MIPOL1: variants seen among roughly 807,000 people sequenced by gnomAD.
MIPOL1 encodes mirror-image polydactyly 1.
In MIPOL1, 57 loss-of-function variants were observed where a neutral mutation model predicts 60.9. The observed-to-expected ratio is 0.94, with a 90% CI of 0.76 to 1.17. The LOEUF (loss-of-function observed/expected upper bound fraction) is 1.17, where lower values mean the gene tolerates loss of function less well. MIPOL1 is among the 50% of genes most tolerant of loss of function. The probability of loss-of-function intolerance (pLI) is 0.00; values close to 1 mark genes in which losing one functional copy is unlikely to be tolerated. For synonymous variants in MIPOL1, 179 were observed against 168.8 expected, an observed-to-expected ratio of 1.06 and a Z score of -0.47; for missense variants, 551 against 511.6, an observed-to-expected ratio of 1.08 and a Z score of -0.74.
chr14:37,509,624 A>G (rs1478901910), intron 12 of MIPOL1, among the ~76,000 whole-genome samples: 1 of 151,564 alleles, frequency 6.6e-6, no homozygotes, highest in Non-Finnish European at 1.5e-5. Flanking sequence ...CATACACATT[A>G]TAGTTTATAT....
At chr14:37,311,379 A>G (rs907884251) in intron 9 of MIPOL1, among the ~76,000 whole-genome samples, 3 of 152,190 alleles carry the variant, frequency 2.0e-5, no homozygotes, top group Non-Finnish European at 4.4e-5. Context: ...ACTGACTTTC[A>G]TGGTATAAAA....
intron 1 of MIPOL1, among the ~76,000 whole-genome samples, chr14:37,230,333 G>A (rs1261425944): frequency 6.6e-6 from 1 of 152,122 alleles, no homozygotes; most frequent in Non-Finnish European, 1.5e-5. Context: ...ATAGGAAAAG[G>A]TCAACAAAGT....
At chr14:37,545,491 G>A (rs2095543942) in intron 12 of MIPOL1, among the ~76,000 whole-genome samples, 1 of 152,168 alleles carries the variant, frequency 6.6e-6, no homozygotes, top group Non-Finnish European at 1.5e-5. Flanking sequence ...TGTACCACTA[G>A]ACTGTTTTAG....
intron 7 of MIPOL1, among the ~76,000 whole-genome samples, chr14:37,298,566 A>G (rs1271567380): frequency 3.9e-5 from 6 of 152,230 alleles, no homozygotes; most frequent in Admixed American, 3.9e-4. Flanking sequence ...ACAAAGGGCT[A>G]ATATCCAGAA....
At chr14:37,229,088 G>A (rs1970227165) in intron 1 of MIPOL1, among the ~76,000 whole-genome samples, 1 of 152,162 alleles carries the variant, frequency 6.6e-6, no homozygotes, top group Admixed American at 6.5e-5. Context: ...TCTAGGTATT[G>A]TGCAAAACAG....
chr14:37,361,911 TTTTATCAGA>T lies in MIPOL1; in HGVS notation c.829-7605_829-7597del, dbSNP rs1362899235. Reference sequence around the variant, plus strand: ...TTGACTTTTGTTGGTTTAAAGTCTGTTTTATCAGAGACTAGGATTGCAATGCCTGCTTTT... The same window carrying T: ...TTGACTTTTGTTGGTTTAAAGTCTGTGACTAGGATTGCAATGCCTGCTTTT... On this transcript the variant is annotated intron_variant, in intron 9 of 12. Transcript: ENST00000684589. Among the ~76,000 whole-genome samples the T allele has an allele frequency of 4.6e-5, 7 of 152,250 alleles. No homozygotes were observed. In the East Asian group the frequency reaches 1.2e-3, roughly 25 times the overall value.
chr14:37,237,394 A>G (rs1330941575), intron 1 of MIPOL1, among the ~76,000 whole-genome samples: 3 of 152,040 alleles, frequency 2.0e-5, no homozygotes, highest in Non-Finnish European at 4.4e-5. Flanking sequence ...AAGCCATATA[A>G]TACTGTGCTA....
chr14:37,367,167 C>T (rs1197563800), intron 9 of MIPOL1, among the ~76,000 whole-genome samples: 1 of 151,846 alleles, frequency 6.6e-6, no homozygotes, highest in Non-Finnish European at 1.5e-5. Context: ...GATGAATAAA[C>T]TGTTCAATCC....
chr14:37,262,147 G>A (rs1191636875), intron 3 of MIPOL1, among the ~76,000 whole-genome samples: 2 of 151,836 alleles, frequency 1.3e-5, no homozygotes, highest in Non-Finnish European at 1.5e-5. Context: ...CCACAGAAAA[G>A]GGAAGCATAG....
chr14:37,207,093 G>T (rs1713378079), intron 1 of MIPOL1, among the ~76,000 whole-genome samples: 1 of 152,170 alleles, frequency 6.6e-6, no homozygotes, highest in Non-Finnish European at 1.5e-5. Context: ...ACCAGGGGCG[G>T]AATGATATGG....
chr14:37,204,114 C>G (rs79902031), intron 1 of MIPOL1, among the ~76,000 whole-genome samples: 2 of 152,010 alleles, frequency 1.3e-5, no homozygotes, highest in Non-Finnish European at 2.9e-5. Flanking sequence ...CAACGACCAC[C>G]GAGAGAGTTT....
chr14:37,387,951 A>G (rs984250406), intron 10 of MIPOL1, among the ~76,000 whole-genome samples: 1 of 151,940 alleles, frequency 6.6e-6, no homozygotes, highest in Non-Finnish European at 1.5e-5. Flanking sequence ...AGATAATTGA[A>G]CCAAGAGAAG....
chr14:37,526,461 C>G (rs551153194), intron 12 of MIPOL1, among the ~76,000 whole-genome samples: 2 of 151,392 alleles, frequency 1.3e-5, no homozygotes, highest in Non-Finnish European at 2.9e-5. Flanking sequence ...GCTCCACCTC[C>G]CCGGTTTACG....
chr14:37,398,748 G>A (rs2093426154), intron 10 of MIPOL1, among the ~76,000 whole-genome samples: 1 of 152,170 alleles, frequency 6.6e-6, no homozygotes, highest in African/African-American at 2.4e-5. Flanking sequence ...GCAGGACATT[G>A]AACGAGTAAG....
At chr14:37,385,075 A>C (rs1437493163) in intron 10 of MIPOL1, among the ~76,000 whole-genome samples, 1 of 152,070 alleles carries the variant, frequency 6.6e-6, no homozygotes, top group African/African-American at 2.4e-5. Flanking sequence ...AGAAAAAATC[A>C]GATATTTTCT....
At chr14:37,238,003 A>T (rs181165325) in intron 1 of MIPOL1, among the ~76,000 whole-genome samples, 1 of 152,014 alleles carries the variant, frequency 6.6e-6, no homozygotes, top group African/African-American at 2.4e-5. Context: ...GTCTCAGTCT[A>T]TTACCCAGGC....
intron 12 of MIPOL1, among the ~76,000 whole-genome samples, chr14:37,537,682 G>A (rs1489292439): frequency 6.6e-6 from 1 of 152,084 alleles, no homozygotes; most frequent in Non-Finnish European, 1.5e-5. Context: ...GCATTGTTAG[G>A]TTGGTAGTAT....
At chr14:37,254,470 A>C (rs866354896) in intron 3 of MIPOL1, among the ~76,000 whole-genome samples, 1 of 151,770 alleles carries the variant, frequency 6.6e-6, no homozygotes, top group Non-Finnish European at 1.5e-5. Context: ...TAAAAAATAG[A>C]GTTTATCTTT....
chr14:37,374,471 C>G (rs1435791750), intron 10 of MIPOL1, among the ~76,000 whole-genome samples: 1 of 152,084 alleles, frequency 6.6e-6, no homozygotes, highest in African/African-American at 2.4e-5. Flanking sequence ...TGCCTGTGTC[C>G]TGAATGGTAT....
Sources: gnomAD v4.1 joint callset for allele counts (sites outside exome capture counted in the v4.1 genomes callset) on GRCh38, gnomAD v4.1.1 for gene constraint, MANE v1.5 for transcripts, NCBI Gene and HGNC (gene_info 2026-07-23, HGNC 2026-07-21) for gene names.